TBL1X: variants seen among roughly 807,000 people sequenced by gnomAD.
TBL1X encodes the protein F-box-like/WD repeat-containing protein TBL1X.
Under a neutral mutation model 50.7 loss-of-function variants are expected in TBL1X, and 10 were observed. That is an observed-to-expected ratio of 0.20 (90% CI 0.12 to 0.33). TBL1X has a LOEUF of 0.33. Among genes scored for constraint, TBL1X ranks in the 10% least tolerant of loss-of-function variants. The probability of loss-of-function intolerance (pLI) is 1.00; values close to 1 mark genes in which losing one functional copy is unlikely to be tolerated. For missense variants in TBL1X, 340 were observed against 504.4 expected (o/e 0.67, Z 3.12); for synonymous variants, 190 against 214.7 (o/e 0.88, Z 1.01).
At chrX:9,533,901 C>A (rs1170307629) in intron 2 of TBL1X, among the ~76,000 whole-genome samples, 3 of 111,306 alleles carry the variant, frequency 2.7e-5, no homozygotes, top group Non-Finnish European at 5.7e-5. Flanking sequence ...GATGCTTGCA[C>A]CCTGGAGAGA....
chrX:9,500,431 C>G (rs1401333582), intron 1 of TBL1X, among the ~76,000 whole-genome samples: 1 of 110,741 alleles, frequency 9.0e-6, no homozygotes, highest in Non-Finnish European at 1.9e-5. Flanking sequence ...CCCGTCTCTA[C>G]TAAAAATACA....
rs2083198329 is a variant in TBL1X, at chrX:9,705,012, C to G, written c.1134C>G (p.Asp378Glu). 1.7e-6 allele frequency: 2 copies of G among 1,210,834 alleles called. No homozygotes were observed. Among genetic ancestry groups the G allele is most frequent in the Non-Finnish European group, 1.1e-6 (1 of 895,502 alleles). Residue 378 changes from aspartate to glutamate, a missense_variant, in exon 13 of 18, where the codon GAC becomes GAG. By Grantham distance (45) the Asp-to-Glu change is conservative. Around this residue, in one of 6 missense-constraint regions of TBL1X, gnomAD observed 170 missense variants for 272.6 expected, o/e 0.62. Coordinates refer to ENST00000645353, the MANE Select transcript of TBL1X (RefSeq NM_005647.4). ...PFHSAPALDV[D>E]WQNNTTFASC... ...CTGCAGCCCCTGCCCTTGATGTGGA[C>G]TGGCAGAACAACACGACCTTTGCCT...
In TBL1X at chrX:9,587,485, A is replaced by G. The variant is rs7056934; in HGVS notation, c.-130-52788A>G. ...TGTTTGTTTTTATATAATGATAAGGACATCAGTTTCCATTGATAAACTATA... is the reference window on the plus strand; with the variant it reads ...TGTTTGTTTTTATATAATGATAAGGGCATCAGTTTCCATTGATAAACTATA... On this transcript the variant is annotated intron_variant, in intron 2 of 17. Coordinates refer to ENST00000645353, the MANE Select transcript of TBL1X (RefSeq NM_005647.4). Among the ~76,000 whole-genome samples, 197 of 111,826 alleles carry G rather than the reference A, an allele frequency of 1.8e-3. 2 individuals are homozygous for G. Among genetic ancestry groups the G allele is most frequent in the African/African-American group, 6.1e-3 (188 of 30,753 alleles).
At chrX:9,569,039 GC>G (rs1412027746) in intron 2 of TBL1X, among the ~76,000 whole-genome samples, 9 of 92,755 alleles carry the variant, frequency 9.7e-5, no homozygotes, top group Non-Finnish European at 1.7e-4. Context: ...TGTGTGGTGT[GC>G]TGTATGTGTG....
At chrX:9,494,453 A>T (rs981047945) in intron 1 of TBL1X, among the ~76,000 whole-genome samples, 2 of 111,835 alleles carry the variant, frequency 1.8e-5, no homozygotes, top group Admixed American at 1.9e-4. Context: ...TCATTATCTT[A>T]GTTCTCTTTG....
rs193134353 is a variant in TBL1X at position 9,683,017 on chromosome X, C to T, written c.212-1026C>T. On this transcript the variant is annotated intron_variant, in intron 5 of 17. Coordinates refer to ENST00000645353, the MANE Select transcript of TBL1X (RefSeq NM_005647.4). Reference sequence around the variant, plus strand: ...CATGATGTCCACCTCCCAAGGATTTCAAGCTCCTGTGCACCCTCAGGCCGC... The same window carrying T: ...CATGATGTCCACCTCCCAAGGATTTTAAGCTCCTGTGCACCCTCAGGCCGC... Among the ~76,000 whole-genome samples, 795 of 111,321 alleles carry T rather than the reference C, an allele frequency of 7.1e-3. 7 individuals are homozygous for T. The highest frequency in any genetic ancestry group is 0.011 in the Non-Finnish European group (608 of 52,891).
Position 9,692,110 on chromosome X carries a change from T to C in TBL1X, c.750-3T>C, listed in dbSNP as rs7062490. On this transcript the variant is annotated splice_region_variant and splice_polypyrimidine_tract_variant and intron_variant, in intron 8 of 17. Coordinates refer to ENST00000645353, the MANE Select transcript of TBL1X (RefSeq NM_005647.4). ...CAGAGGCTCCTGTGTTTTTATTCTG[T>C]AGATCTGGAGACTCAACTGCAAGGA... 0.015 allele frequency: 17,744 copies of C among 1,209,627 alleles called. 1,618 individuals carry two copies. In the African/African-American group the frequency reaches 0.27, roughly 18 times the overall value.
At chrX:9,524,131 C>G (rs1472086622) in intron 2 of TBL1X, among the ~76,000 whole-genome samples, 1 of 109,926 alleles carries the variant, frequency 9.1e-6, no homozygotes, top group Admixed American at 9.6e-5. Context: ...CCACACCCAG[C>G]TAATTTTTGT....
At chrX:9,471,737 G>A (rs1234154018) in intron 1 of TBL1X, among the ~76,000 whole-genome samples, 4 of 111,518 alleles carry the variant, frequency 3.6e-5, no homozygotes, top group Admixed American at 9.5e-5. Context: ...CAATGCTCAC[G>A]GCAAAACTCA....
chrX:9,491,336 A>ATTTT (rs1256522168), intron 1 of TBL1X, among the ~76,000 whole-genome samples: 44 of 25,293 alleles, frequency 1.7e-3, no homozygotes, highest in African/African-American at 5.9e-3. Context: ...ATATATATAT[A>ATTTT]TATTTTTTTT....
At chrX:9,514,886 A>T (rs754751612) in intron 2 of TBL1X, among the ~76,000 whole-genome samples, 2 of 112,344 alleles carry the variant, frequency 1.8e-5, no homozygotes, top group Non-Finnish European at 3.8e-5. Context: ...GAGATGGAGG[A>T]TTGAGCAGAA....
At chrX:9,654,501 G>A (rs2082854752) in intron 5 of TBL1X, among the ~76,000 whole-genome samples, 179 bp downstream of exon 5, 2 of 111,939 alleles carry the variant, frequency 1.8e-5, no homozygotes, top group African/African-American at 6.5e-5. Flanking sequence ...GTGGAAAGAG[G>A]GAATGTGTTC....
intron 5 of TBL1X, among the ~76,000 whole-genome samples, chrX:9,675,830 G>A (rs1022817700): frequency 7.5e-5 from 8 of 107,277 alleles, no homozygotes; most frequent in African/African-American, 2.7e-4. Context: ...GGCGGAGGTT[G>A]CAGTGAGCCG....
chrX:9,702,985 C>T (rs908464630), intron 12 of TBL1X, among the ~76,000 whole-genome samples: 1 of 111,739 alleles, frequency 8.9e-6, no homozygotes, highest in African/African-American at 3.3e-5. Flanking sequence ...AAGTCCCAAG[C>T]TCTCTGCCCC....
chrX:9,544,655 C>T (rs1687464509), intron 2 of TBL1X, among the ~76,000 whole-genome samples: 3 of 111,453 alleles, frequency 2.7e-5, no homozygotes, highest in African/African-American at 9.8e-5. Flanking sequence ...CTACGCCTCC[C>T]GAGTTCAAGC....
At chrX:9,610,975 C>T (rs1046965789) in intron 2 of TBL1X, among the ~76,000 whole-genome samples, 1 of 111,834 alleles carries the variant, frequency 8.9e-6, no homozygotes, top group Non-Finnish European at 1.9e-5. Flanking sequence ...CTGCCAAATT[C>T]AATAGACTGA....
intron 2 of TBL1X, among the ~76,000 whole-genome samples, chrX:9,605,859 T>C (rs1280843069): frequency 3.6e-5 from 4 of 112,180 alleles, no homozygotes; most frequent in Non-Finnish European, 5.6e-5. Context: ...ATGTATTGGA[T>C]TAGTTTCTGT....
chrX:9,609,243 T>A (rs2082599771), intron 2 of TBL1X, among the ~76,000 whole-genome samples: 1 of 111,793 alleles, frequency 8.9e-6, no homozygotes, highest in Non-Finnish European at 1.9e-5. Flanking sequence ...TGTAAGCAGT[T>A]TTTAAAAATA....
chrX:9,698,047 G>A (rs73484512), intron 12 of TBL1X, among the ~76,000 whole-genome samples: 4,002 of 111,869 alleles, frequency 0.036, 94 homozygotes, highest in African/African-American at 0.087. Flanking sequence ...TTGCACCACT[G>A]TATTCCAGCC....
Sources: allele counts gnomAD v4.1 joint callset (sites outside exome capture counted in the v4.1 genomes callset), GRCh38; gene constraint gnomAD v4.1.1; regional missense constraint gnomAD v4.1.1; transcripts MANE v1.5; gene names NCBI Gene and HGNC (gene_info 2026-07-23, HGNC 2026-07-21).